CAMTA1: variants seen among roughly 807,000 people sequenced by gnomAD.
CAMTA1 encodes the protein calmodulin-binding transcription activator 1.
A neutral mutation model predicts 170.9 loss-of-function variants in CAMTA1; 27 were observed. The ratio of observed to expected loss-of-function variants is 0.16; its 90% CI spans 0.12 to 0.22. The LOEUF (loss-of-function observed/expected upper bound fraction) is 0.22, where lower values mean the gene tolerates loss of function less well. CAMTA1 is among the 10% of genes least tolerant of loss of function. The probability of loss-of-function intolerance (pLI) is 1.00; values close to 1 mark genes in which losing one functional copy is unlikely to be tolerated. For synonymous variants in CAMTA1, 833 were observed against 891.5 expected (o/e 0.93, Z 1.17); for missense variants, 1,619 against 2,217.2 (o/e 0.73, Z 5.42).
rs1478450902 is a variant in CAMTA1, at chr1:7,737,483, G to C, written c.3571G>C (p.Glu1191Gln). 6.2e-7 allele frequency: 1 copy of C among 1,614,188 alleles called. No individual in the cohort carries two copies. The highest frequency in any genetic ancestry group is 8.5e-7 in the Non-Finnish European group (1 of 1,180,044). Residue 1191 changes from glutamate (E) to glutamine (Q), a missense_variant, in exon 15 of 23, where the codon GAG (glutamate) becomes CAG (glutamine). This residue lies in a region of CAMTA1 where 370 missense variants were observed against 429.4 expected (regional missense o/e 0.86). Transcript: ENST00000303635. ...TCCTGCAAGCGAAGAGCCCAGCACA[G>C]AGAGCTGGATGGCCCAGTGGCACAG... ...HCPASEEPST[E>Q]SWMAQWHSEA...
At chr1:6,988,250 C>T (rs1205467288) in intron 3 of CAMTA1, among the ~76,000 whole-genome samples, 1 of 152,092 alleles carries the variant, frequency 6.6e-6, no homozygotes, top group East Asian at 1.9e-4. Context: ...CCGTGACGCT[C>T]CGAAAGCTGG....
chr1:6,907,324 A>G (rs1678727203), intron 3 of CAMTA1, among the ~76,000 whole-genome samples: 1 of 152,168 alleles, frequency 6.6e-6, no homozygotes, highest in African/African-American at 2.4e-5. Flanking sequence ...GTAAGGAGAC[A>G]TGGCAAACGA....
chr1:7,550,869 C>G (rs1429107622), intron 6 of CAMTA1, among the ~76,000 whole-genome samples: 3 of 151,738 alleles, frequency 2.0e-5, no homozygotes, highest in Admixed American at 6.6e-5. Flanking sequence ...CCTCTCTCAC[C>G]TGGGCCTCTC....
intron 5 of CAMTA1, among the ~76,000 whole-genome samples, chr1:7,362,736 T>C: frequency 6.6e-6 from 1 of 151,972 alleles, no homozygotes; most frequent in Admixed American, 6.6e-5. Context: ...GGTGGTGGGC[T>C]TGGGTAGGAT....
Position 6,820,181 on chromosome 1 carries a change from A to G in CAMTA1, c.46A>G (p.Ser16Gly). The change falls in exon 2 of 23, where the codon AGC (serine) becomes GGC (glycine). Residue 16 changes from serine (S) to glycine (G), a missense_variant and splice_region_variant. By Grantham distance (56) the Ser-to-Gly change is moderately conservative. Transcript: ENST00000303635. The stretch of plus-strand genomic sequence containing the variant: ...TACATTTTATTTTCTGTTTCCTTAG[A>G]GCGTTTCCCAAAGTGTATTCTGCGG... ...GKWLPKTSRK[S>G]VSQSVFCGTS... The G allele has an allele frequency of 6.6e-7, 1 of 1,506,866 alleles. No individual in the cohort carries two copies. Among genetic ancestry groups the G allele is most frequent in the Non-Finnish European group, 9.2e-7 (1 of 1,082,276 alleles). The allele number at this position is 1,506,866 out of a possible 1,614,324, so 93.3% of individuals were successfully genotyped here. A position where few individuals can be genotyped will look rare whatever the true frequency, so the allele number is the denominator to read the frequency against.
chr1:6,918,359 G>C lies in CAMTA1; in HGVS notation c.234+93149G>C, dbSNP rs544983346. On this transcript the variant is annotated intron_variant, in intron 3 of 22. Transcript: ENST00000303635. The surrounding 1 kb of genome is among the most constrained non-coding windows in gnomAD (Gnocchi z 4.0). Reference sequence around the variant, plus strand: ...TCCTGGGAGCCAATGAGCAGACAGAGTTTGGGTAATCTATGCAAAGGCCCC... The same window carrying C: ...TCCTGGGAGCCAATGAGCAGACAGACTTTGGGTAATCTATGCAAAGGCCCC... Among the ~76,000 whole-genome samples the C allele has an allele frequency of 6.6e-6, 1 of 152,304 alleles. No individual in the cohort carries two copies. Among genetic ancestry groups the C allele is most frequent in the South Asian group, 2.1e-4 (1 of 4,828 alleles).
At chr1:6,814,387 A>G (rs1300609627) in intron 1 of CAMTA1, among the ~76,000 whole-genome samples, 1 of 152,140 alleles carries the variant, frequency 6.6e-6, no homozygotes, top group African/African-American at 2.4e-5. Flanking sequence ...GGTGAGAGCA[A>G]CGAAGTGTGC....
rs1165793479 is a variant in CAMTA1 at position 7,377,618 on chromosome 1, CA to C, written c.439-90209del. Among the ~76,000 whole-genome samples, 4 of 152,336 alleles carry C rather than the reference CA, an allele frequency of 2.6e-5. No homozygotes were observed. In the East Asian group the frequency reaches 7.7e-4, roughly 29 times the overall value. On this transcript the variant is annotated intron_variant, in intron 5 of 22. Transcript: ENST00000303635. The stretch of plus-strand genomic sequence containing the variant: ...ACAATTCATTTAGACTAAGGATTGA[CA>C]AACTATGGCCCATGAACCAAATCCA...
chr1:7,159,313 C>G (rs892351946), intron 4 of CAMTA1, among the ~76,000 whole-genome samples: 5 of 152,022 alleles, frequency 3.3e-5, no homozygotes, highest in Non-Finnish European at 7.4e-5. Context: ...CAAACCAGAA[C>G]AGCTGGAATT....
At chr1:6,789,765 A>G in intron 1 of CAMTA1, among the ~76,000 whole-genome samples, 1 of 138,666 alleles carries the variant, frequency 7.2e-6, no homozygotes, top group Non-Finnish European at 1.6e-5. Context: ...ACCATATTGG[A>G]TCTTGTTAGC....
At chr1:6,903,065 G>A (rs1384814122) in intron 3 of CAMTA1, among the ~76,000 whole-genome samples, 1 of 152,116 alleles carries the variant, frequency 6.6e-6, no homozygotes, top group East Asian at 1.9e-4. Context: ...TCCATCAACT[G>A]AAGAATGAAT....
At chr1:6,876,189 G>T (rs959787774) in intron 3 of CAMTA1, among the ~76,000 whole-genome samples, 3 of 150,584 alleles carry the variant, frequency 2.0e-5, no homozygotes. Flanking sequence ...TGGGTTTATC[G>T]TTCCCTTCTT....
At chr1:6,929,777 G>A (rs912145050) in intron 3 of CAMTA1, among the ~76,000 whole-genome samples, 1 of 152,222 alleles carries the variant, frequency 6.6e-6, no homozygotes, top group African/African-American at 2.4e-5. Flanking sequence ...GATTACCGGC[G>A]TGAGCCACTG....
At chr1:7,172,748 A>G (rs1649921441) in intron 4 of CAMTA1, among the ~76,000 whole-genome samples, 1 of 152,210 alleles carries the variant, frequency 6.6e-6, no homozygotes, top group Admixed American at 6.5e-5. Flanking sequence ...CACTGGACTC[A>G]GCAGAAAGAA....
In CAMTA1 at chr1:6,785,525, A is replaced by T; in HGVS notation, c.-6A>T. ...GCTCGGGGTCCCGGTCGCGAGGAGGAGGAGGATGTGGCGCGCGGAGGGGAA... is the reference window on the plus strand; with the variant it reads ...GCTCGGGGTCCCGGTCGCGAGGAGGTGGAGGATGTGGCGCGCGGAGGGGAA... On this transcript the variant is annotated 5_prime_UTR_variant, in exon 1 of 23. Coordinates refer to ENST00000303635, the MANE Select transcript of CAMTA1 (RefSeq NM_015215.4). The T allele has an allele frequency of 2.8e-6, 3 of 1,063,768 alleles. No individual in the cohort carries two copies. The highest frequency in any genetic ancestry group is 2.3e-6 in the Non-Finnish European group (2 of 868,774). The allele number at this position is 1,063,768 out of a possible 1,614,324, so 65.9% of individuals were successfully genotyped here. A position where few individuals can be genotyped will look rare whatever the true frequency, so the allele number is the denominator to read the frequency against.
intron 6 of CAMTA1, among the ~76,000 whole-genome samples, chr1:7,501,170 C>T (rs4908643): frequency 0.083 from 12,697 of 152,092 alleles, 919 homozygotes; most frequent in African/African-American, 0.2. Flanking sequence ...TCCCCAGACC[C>T]TCCAGGGAGG....
rs373981585 is a variant in CAMTA1 at position 6,904,190 on chromosome 1, C to A, written c.234+78980C>A. ...TCCTCATTCCATTCAATAGGCACTT[C>A]TCATGTTAGAATTCACTGAACACGC... On this transcript the variant is annotated intron_variant, in intron 3 of 22. Transcript: ENST00000303635. Among the ~76,000 whole-genome samples, 10 of 152,348 alleles carry A rather than the reference C, an allele frequency of 6.6e-5. No homozygotes were observed. The East Asian group carries it at 1.9e-3, about 29-fold the overall frequency.
Position 7,747,699 on chromosome 1 carries a change from T to TTA in CAMTA1, c.4618-10_4618-9dup. ...ATTACTGATTTTTTTTCTCCTTACT[T>TTA]TACCCTTAAGGGCCGACCCTTGCGG... On this transcript the variant is annotated splice_polypyrimidine_tract_variant and intron_variant, in intron 18 of 22. Coordinates refer to ENST00000303635, the MANE Select transcript of CAMTA1 (RefSeq NM_015215.4). 6.3e-7 allele frequency: 1 copy of TTA among 1,581,438 alleles called. No individual in the cohort carries two copies. The highest frequency in any genetic ancestry group is 8.6e-7 in the Non-Finnish European group (1 of 1,165,644).
At chr1:6,870,900 G>C (rs1007717801) in intron 3 of CAMTA1, among the ~76,000 whole-genome samples, 4 of 152,186 alleles carry the variant, frequency 2.6e-5, no homozygotes, top group Non-Finnish European at 4.4e-5. Context: ...TTATATACTA[G>C]TGAAATGAAT....
Sources: allele counts gnomAD v4.1 joint callset (sites outside exome capture counted in the v4.1 genomes callset), GRCh38; gene constraint gnomAD v4.1.1; regional missense constraint gnomAD v4.1.1; non-coding constraint Gnocchi (gnomAD v3.1); transcripts MANE v1.5; gene names NCBI Gene and HGNC (gene_info 2026-07-23, HGNC 2026-07-21).